The following TMEM132D variants were observed in gnomAD, a reference collection of about 807,000 sequenced individuals.
The protein encoded by TMEM132D is transmembrane protein 132D, also known as mature OL transmembrane protein.
In TMEM132D, 21 loss-of-function variants were observed where a neutral mutation model predicts 62.3. That is an observed-to-expected ratio of 0.34 (90% CI 0.24 to 0.49). TMEM132D has a LOEUF of 0.49. Among genes scored for constraint, TMEM132D ranks in the 20% least tolerant of loss-of-function variants. The pLI is 0.99. For missense variants in TMEM132D, 1,346 were observed against 1,402.8 expected, an observed-to-expected ratio of 0.96 and a Z score of 0.65; for synonymous variants, 621 against 575.6, an observed-to-expected ratio of 1.08 and a Z score of -1.13.
chr12:129,708,894 G>A (rs1011317115), intron 1 of TMEM132D, among the ~76,000 whole-genome samples: 5 of 152,074 alleles, frequency 3.3e-5, no homozygotes, highest in Non-Finnish European at 7.4e-5. Context: ...GTACATCATA[G>A]ATAATACGTT....
At chr12:129,608,319 C>T (rs1878681708) in intron 2 of TMEM132D, among the ~76,000 whole-genome samples, 1 of 152,180 alleles carries the variant, frequency 6.6e-6, no homozygotes, top group South Asian at 2.1e-4. Context: ...GACAGACACT[C>T]TCCCTTTAGA....
At chr12:129,625,182 C>T (rs1239441776) in intron 2 of TMEM132D, among the ~76,000 whole-genome samples, 1 of 152,128 alleles carries the variant, frequency 6.6e-6, no homozygotes, top group African/African-American at 2.4e-5. Flanking sequence ...TACCTTTTAC[C>T]CATTTTCCTT....
At chr12:129,502,235 G>C (rs1045573279) in intron 3 of TMEM132D, among the ~76,000 whole-genome samples, 2 of 151,686 alleles carry the variant, frequency 1.3e-5, no homozygotes, top group African/African-American at 2.4e-5. Flanking sequence ...TCCTGACCTC[G>C]TGATCCACCC....
At chr12:129,337,500 TTGTGG>T (rs1187681050) in intron 4 of TMEM132D, 129 bp downstream of exon 4, 2 of 953,052 alleles carry the variant, frequency 2.1e-6, no homozygotes, top group African/African-American at 3.3e-5. Context: ...GCAGTCAACT[TTGTGG>T]TTTCGTTTCT....
At chr12:129,787,354 C>T (rs1871273874) in intron 1 of TMEM132D, among the ~76,000 whole-genome samples, 1 of 152,120 alleles carries the variant, frequency 6.6e-6, no homozygotes, top group Admixed American at 6.6e-5. Flanking sequence ...TCACCGAGGG[C>T]ATTAGAGCAT....
At chr12:129,775,413 G>A (rs1036210660) in intron 1 of TMEM132D, among the ~76,000 whole-genome samples, 1 of 152,130 alleles carries the variant, frequency 6.6e-6, no homozygotes, top group Non-Finnish European at 1.5e-5. Flanking sequence ...AGGCATGGGA[G>A]AGCCACCAGC....
chr12:129,711,975 G>A (rs1868384441), intron 1 of TMEM132D, among the ~76,000 whole-genome samples: 1 of 151,798 alleles, frequency 6.6e-6, no homozygotes, highest in African/African-American at 2.4e-5. Context: ...CCCCAGAGTT[G>A]GAAACCACCT....
chr12:129,267,213 G>T (rs1880721045), intron 4 of TMEM132D, among the ~76,000 whole-genome samples: 1 of 152,098 alleles, frequency 6.6e-6, no homozygotes, highest in Non-Finnish European at 1.5e-5. Context: ...GAAATAAAGG[G>T]TATTCAATTA....
intron 1 of TMEM132D, among the ~76,000 whole-genome samples, chr12:129,783,520 G>A (rs1036298616): frequency 2.0e-5 from 3 of 152,148 alleles, no homozygotes; most frequent in East Asian, 1.9e-4. Flanking sequence ...GTGAACAAAC[G>A]AGAATTATAT....
chr12:129,772,374 T>C (rs1178067975), intron 1 of TMEM132D, among the ~76,000 whole-genome samples: 3 of 152,172 alleles, frequency 2.0e-5, no homozygotes, highest in Non-Finnish European at 4.4e-5. Context: ...ACTTCATATA[T>C]AGTAAGAAAT....
intron 4 of TMEM132D, among the ~76,000 whole-genome samples, chr12:129,296,367 A>G (rs1455233303): frequency 6.6e-6 from 1 of 152,254 alleles, no homozygotes; most frequent in African/African-American, 2.4e-5. Context: ...GTATTTTAAT[A>G]TAAGCACAGT....
chr12:129,400,936 G>A (rs1779603021), intron 3 of TMEM132D, among the ~76,000 whole-genome samples: 5 of 152,102 alleles, frequency 3.3e-5, no homozygotes, highest in African/African-American at 1.2e-4. Flanking sequence ...ATTTTGCAAA[G>A]GTGAAAAAAG....
At chr12:129,163,986 G>A (rs1291822935) in intron 5 of TMEM132D, among the ~76,000 whole-genome samples, 3 of 152,198 alleles carry the variant, frequency 2.0e-5, no homozygotes, top group African/African-American at 7.2e-5. Context: ...GTTCAAGTGC[G>A]TGACACCAAA....
intron 4 of TMEM132D, among the ~76,000 whole-genome samples, chr12:129,267,650 A>G (rs2135598876): frequency 6.6e-6 from 1 of 152,314 alleles, no homozygotes; most frequent in East Asian, 1.9e-4. Flanking sequence ...TCAAGCTACC[A>G]ATGACTTTCT....
At chr12:129,540,121 A>G (rs894200471) in intron 2 of TMEM132D, among the ~76,000 whole-genome samples, 1 of 151,888 alleles carries the variant, frequency 6.6e-6, no homozygotes, top group African/African-American at 2.4e-5. Flanking sequence ...TTTAAAAACC[A>G]TCTTAGAGCT....
intron 1 of TMEM132D, among the ~76,000 whole-genome samples, chr12:129,739,185 G>A (rs1025943823): frequency 2.0e-5 from 3 of 152,142 alleles, no homozygotes; most frequent in Non-Finnish European, 2.9e-5. Flanking sequence ...ATCGGCTCCC[G>A]GGTCCCAGTC....
intron 4 of TMEM132D, among the ~76,000 whole-genome samples, chr12:129,319,610 G>A (rs1454668701): frequency 2.6e-5 from 4 of 152,204 alleles, no homozygotes; most frequent in Admixed American, 6.5e-5. Flanking sequence ...CCAAGGACTC[G>A]AAACAGGCAG....
rs539091603 is a variant in TMEM132D at position 129,216,648 on chromosome 12, A to C, written c.1300-6985T>G. On this transcript the variant is annotated intron_variant, in intron 4 of 8. Transcript: ENST00000422113. Reference sequence around the variant, plus strand: ...CAGCCTCCAGAACAGTGATGGAGTGAGTGTCTCTTGTATTTAGCCATCACG... The same window carrying C: ...CAGCCTCCAGAACAGTGATGGAGTGCGTGTCTCTTGTATTTAGCCATCACG... Among the ~76,000 whole-genome samples, 74 of 152,292 alleles carry C rather than the reference A, an allele frequency of 4.9e-4. 3 individuals are homozygous for C. The South Asian group carries it at 0.015, about 31-fold the overall frequency.
chr12:129,891,636 G>A (rs1874928616), intron 1 of TMEM132D, among the ~76,000 whole-genome samples: 1 of 152,118 alleles, frequency 6.6e-6, no homozygotes, highest in Non-Finnish European at 1.5e-5. Context: ...TAACTGTGAG[G>A]CTATCTAAGG....
Sources: gnomAD v4.1 joint callset for allele counts (sites outside exome capture counted in the v4.1 genomes callset) on GRCh38, gnomAD v4.1.1 for gene constraint, MANE v1.5 for transcripts, NCBI Gene and HGNC (gene_info 2026-07-23, HGNC 2026-07-21) for gene names.